The following MS4A12 variants were observed in gnomAD, a reference collection of about 807,000 sequenced individuals.
The protein encoded by MS4A12 is membrane-spanning 4-domains subfamily A member 12.
Under a neutral mutation model 23.7 loss-of-function variants are expected in MS4A12, and 28 were observed. The observed-to-expected ratio is 1.18, with a 90% CI of 0.88 to 1.62. The LOEUF (loss-of-function observed/expected upper bound fraction) is 1.62. Ranked by LOEUF, MS4A12 falls within the 40% of genes most tolerant of loss-of-function variation. The pLI, the probability that MS4A12 is intolerant of heterozygous loss-of-function variation, is 0.00. For missense variants in MS4A12, 342 were observed against 327.0 expected, an observed-to-expected ratio of 1.05 and a Z score of -0.35; for synonymous variants, 108 against 110.1, an observed-to-expected ratio of 0.98 and a Z score of 0.12.
intron 1 of MS4A12, among the ~76,000 whole-genome samples, chr11:60,494,556 T>C (rs1230960348): frequency 6.6e-6 from 1 of 152,238 alleles, no homozygotes; most frequent in Admixed American, 6.5e-5. Flanking sequence ...ATTCCTTTTA[T>C]AAACTTTTCC....
chr11:60,493,563 T>G (rs1046737063), intron 1 of MS4A12, among the ~76,000 whole-genome samples: 5 of 152,168 alleles, frequency 3.3e-5, no homozygotes, highest in Non-Finnish European at 4.4e-5. Context: ...TGTAACACAT[T>G]TTAATTAAGG....
Position 60,506,834 on chromosome 11 carries a change from A to G in MS4A12, c.695A>G (p.Asn232Ser), listed in dbSNP as rs1286542708. 6.2e-7 allele frequency: 1 copy of G among 1,610,584 alleles called. No individual in the cohort carries two copies. Among genetic ancestry groups the G allele is most frequent in the South Asian group, 1.1e-5 (1 of 91,016 alleles). Reference protein sequence around the residue: ...HFANQANTTTNMSVLVIPNMY... With the variant: ...HFANQANTTTSMSVLVIPNMY... ...GCCAACCAAGCAAACACCACAACCA[A>G]TATGGTGAGTTGGGTCTCTTCTTTG... Residue 232 changes from asparagine to serine, a missense_variant, in exon 6 of 7, where the codon AAT (asparagine) becomes AGT (serine). Coordinates refer to ENST00000016913, the MANE Select transcript of MS4A12 (RefSeq NM_017716.3).
chr11:60,497,690 C>T (rs774469403), intron 2 of MS4A12, 96 bp downstream of exon 2: 23 of 1,334,156 alleles, frequency 1.7e-5, no homozygotes, highest in African/African-American at 8.9e-5. Flanking sequence ...AAGTTCTGAA[C>T]GTTATTCTGA....
intron 1 of MS4A12, among the ~76,000 whole-genome samples, chr11:60,496,600 A>G (rs1374546633): frequency 6.6e-6 from 1 of 152,236 alleles, no homozygotes; most frequent in Non-Finnish European, 1.5e-5. Context: ...CCTCCTTGCC[A>G]TACAAGTATT....
intron 1 of MS4A12, among the ~76,000 whole-genome samples, chr11:60,495,159 AT>A (rs5792186): frequency 0.57 from 84,204 of 146,754 alleles, 23,803 homozygotes; most frequent in Admixed American, 0.65. Flanking sequence ...CACCCGGCTA[AT>A]TTTTTTTTTT....
At chr11:60,494,451 C>A (rs1209973914) in intron 1 of MS4A12, among the ~76,000 whole-genome samples, 1 of 152,020 alleles carries the variant, frequency 6.6e-6, no homozygotes, top group Non-Finnish European at 1.5e-5. Flanking sequence ...TAATTGTATG[C>A]TTTTTAAAAG....
At chr11:60,501,304 G>T in intron 3 of MS4A12, 122 bp downstream of exon 3, 1 of 1,127,972 alleles carries the variant, frequency 8.9e-7, no homozygotes. Flanking sequence ...TACATCTGAG[G>T]GCTGGAGAAT....
At chr11:60,495,917 C>T (rs1259852811) in intron 1 of MS4A12, among the ~76,000 whole-genome samples, 1 of 152,174 alleles carries the variant, frequency 6.6e-6, no homozygotes, top group Non-Finnish European at 1.5e-5. Flanking sequence ...AGTCAATACC[C>T]TGTCACCAAG....
At chr11:60,498,124 A>G (rs535048547) in intron 2 of MS4A12, 2 of 152,820 alleles carry the variant, frequency 1.3e-5, no homozygotes, top group Admixed American at 1.3e-4. Context: ...GAGACTCTGA[A>G]CTGACTGCCT....
At chr11:60,506,993 T>C (rs766294331) in intron 6 of MS4A12, 27 bp from the exon 7 acceptor site, 1 of 1,581,042 alleles carries the variant, frequency 6.3e-7, no homozygotes. Context: ...AGTAACCATA[T>C]TGCTTGTTTT....
chr11:60,504,785 C>G (rs767915298), intron 5 of MS4A12, among the ~76,000 whole-genome samples: 6 of 152,146 alleles, frequency 3.9e-5, no homozygotes, highest in Non-Finnish European at 8.8e-5. Context: ...ATGAAGCCAT[C>G]TGCTTCTCAA....
chr11:60,505,840 C>A (rs1006153718), intron 5 of MS4A12, among the ~76,000 whole-genome samples: 2 of 152,126 alleles, frequency 1.3e-5, no homozygotes, highest in Non-Finnish European at 2.9e-5. Context: ...CTGCATGGTA[C>A]CCTACTACCA....
At chr11:60,495,766 C>A (rs2086483413) in intron 1 of MS4A12, among the ~76,000 whole-genome samples, 1 of 152,186 alleles carries the variant, frequency 6.6e-6, no homozygotes, top group Non-Finnish European at 1.5e-5. Flanking sequence ...TAAATGTTAG[C>A]TCTCTATACA....
At chr11:60,500,637 A>G (rs146286373) in intron 2 of MS4A12, among the ~76,000 whole-genome samples, 68 of 152,384 alleles carry the variant, frequency 4.5e-4, no homozygotes, top group African/African-American at 1.6e-3. Flanking sequence ...ATCTTCACCA[A>G]TTCCTTTACC....
At chr11:60,506,169 A>G (rs4939384) in intron 5 of MS4A12, among the ~76,000 whole-genome samples, 87,861 of 152,002 alleles carry the variant, frequency 0.58, 25,596 homozygotes, top group East Asian at 0.67. Context: ...TCAAATAGAA[A>G]GCCTGTATAG....
intron 3 of MS4A12, 128 bp downstream of exon 3, chr11:60,501,310 A>G (rs2086528909): frequency 9.4e-7 from 1 of 1,061,694 alleles, no homozygotes; most frequent in Non-Finnish European, 1.3e-6. Flanking sequence ...TGAGGGCTGG[A>G]GAATTTAGAA....
chr11:60,501,494 G>T (rs1160247264), intron 3 of MS4A12, among the ~76,000 whole-genome samples: 2 of 152,152 alleles, frequency 1.3e-5, no homozygotes, highest in Non-Finnish European at 2.9e-5. Flanking sequence ...ATTTGAGATG[G>T]AAATGTATGT....
chr11:60,497,659 G>C (rs1363936783), intron 2 of MS4A12, 65 bp downstream of exon 2: 6 of 1,529,574 alleles, frequency 3.9e-6, no homozygotes, highest in Non-Finnish European at 5.4e-6. Flanking sequence ...AGTTATAGGA[G>C]AGTATCATCC....
chr11:60,502,805 T>C (rs2086541195), intron 4 of MS4A12, among the ~76,000 whole-genome samples: 2 of 152,148 alleles, frequency 1.3e-5, no homozygotes. Flanking sequence ...CAAATTAAAA[T>C]AAAATAAGCC....
Sources: gnomAD v4.1 joint callset for allele counts (sites outside exome capture counted in the v4.1 genomes callset) on GRCh38, gnomAD v4.1.1 for gene constraint, MANE v1.5 for transcripts, NCBI Gene and HGNC (gene_info 2026-07-23, HGNC 2026-07-21) for gene names.